The following ARHGAP10 variants were observed in gnomAD, a reference collection of about 807,000 sequenced individuals.
The protein encoded by ARHGAP10 is Rho GTPase activating protein 10.
In ARHGAP10, 87 loss-of-function variants were observed where a neutral mutation model predicts 108.6. The ratio of observed to expected loss-of-function variants is 0.80; its 90% CI spans 0.67 to 0.96. The LOEUF is 0.96. Among genes scored for constraint, ARHGAP10 ranks in the 40% least tolerant of loss-of-function variants. The pLI, the probability that ARHGAP10 is intolerant of heterozygous loss-of-function variation, is 0.00. For missense variants in ARHGAP10, 939 were observed against 954.5 expected (o/e 0.98, Z 0.21); for synonymous variants, 347 against 341.1 (o/e 1.02, Z -0.19).
intron 15 of ARHGAP10, among the ~76,000 whole-genome samples, chr4:147,948,102 G>A (rs990380337): frequency 9.2e-5 from 14 of 151,934 alleles, no homozygotes; most frequent in African/African-American, 3.4e-4. Flanking sequence ...CACCATGTCC[G>A]GCTAATTTTT....
intron 22 of ARHGAP10, chr4:148,065,446 C>A (rs1022890376): frequency 1.3e-5 from 2 of 152,146 alleles, no homozygotes; most frequent in Admixed American, 1.3e-4. Context: ...GACAGAGACT[C>A]CTGGTAGTGT....
intron 1 of ARHGAP10, among the ~76,000 whole-genome samples, chr4:147,798,777 C>CTA (rs1731449720): frequency 2.6e-4 from 1 of 3,834 alleles, no homozygotes; most frequent in African/African-American, 3.5e-4. Context: ...CTCTCTCTCT[C>CTA]TCTCTATATA....
intron 1 of ARHGAP10, among the ~76,000 whole-genome samples, chr4:147,816,414 GTTTTCC>G (rs985473662): frequency 1.3e-5 from 2 of 152,170 alleles, no homozygotes; most frequent in Non-Finnish European, 2.9e-5. Context: ...GGCTCTCCTT[GTTTTCC>G]TTTTACTCCA....
intron 1 of ARHGAP10, among the ~76,000 whole-genome samples, chr4:147,759,253 T>TA: frequency 6.6e-6 from 1 of 152,238 alleles, no homozygotes; most frequent in East Asian, 1.9e-4. Flanking sequence ...GAAGAACTGT[T>TA]ATCTCCATTT....
intron 1 of ARHGAP10, among the ~76,000 whole-genome samples, chr4:147,813,231 C>G (rs1461381322): frequency 2.0e-5 from 3 of 152,118 alleles, no homozygotes; most frequent in African/African-American, 7.2e-5. Context: ...TTTATACTCA[C>G]TGGCCTATAC....
chr4:147,734,076 A>T (rs1018669792), intron 1 of ARHGAP10, among the ~76,000 whole-genome samples: 1 of 152,038 alleles, frequency 6.6e-6, no homozygotes, highest in Non-Finnish European at 1.5e-5. Context: ...CAGAGTGAAC[A>T]CGAGAGAATG....
intron 12 of ARHGAP10, among the ~76,000 whole-genome samples, chr4:147,910,005 GCTTTT>G (rs1396510395): frequency 6.6e-6 from 1 of 150,754 alleles, no homozygotes; most frequent in African/African-American, 2.5e-5. Context: ...CCATCTGTGG[GCTTTT>G]CTTTTCTTTT....
chr4:147,932,450 A>C (rs1369592746), intron 13 of ARHGAP10, among the ~76,000 whole-genome samples: 1 of 152,258 alleles, frequency 6.6e-6, no homozygotes, highest in Non-Finnish European at 1.5e-5. Flanking sequence ...TACATGTAAT[A>C]TACCATGGAA....
intron 18 of ARHGAP10, among the ~76,000 whole-genome samples, chr4:148,003,408 A>C (rs1740812433): frequency 1.3e-5 from 2 of 152,070 alleles, no homozygotes; most frequent in African/African-American, 4.8e-5. Flanking sequence ...TGGGTTGGAG[A>C]GTTCTGTGGA....
At chr4:147,901,513 T>C (rs561017060) in intron 10 of ARHGAP10, among the ~76,000 whole-genome samples, 1 of 152,366 alleles carries the variant, frequency 6.6e-6, no homozygotes, top group Non-Finnish European at 1.5e-5. Flanking sequence ...GATCCATTTC[T>C]ACTTAATCTC....
intron 3 of ARHGAP10, among the ~76,000 whole-genome samples, chr4:147,841,992 G>T (rs1289505660): frequency 1.3e-5 from 2 of 152,098 alleles, no homozygotes; most frequent in Admixed American, 6.5e-5. Context: ...GAGTGCAGTG[G>T]TGCAATCTTG....
At chr4:147,779,924 C>T (rs1730460395) in intron 1 of ARHGAP10, among the ~76,000 whole-genome samples, 1 of 152,208 alleles carries the variant, frequency 6.6e-6, no homozygotes, top group South Asian at 2.1e-4. Flanking sequence ...TCCCTAGACA[C>T]TTACACCCTT....
At chr4:147,809,163 A>G (rs984907390) in intron 1 of ARHGAP10, 2 of 152,286 alleles carry the variant, frequency 1.3e-5, no homozygotes, top group Admixed American at 1.3e-4. Flanking sequence ...ATGCCTGTGA[A>G]TAGCCACAGC....
chr4:147,870,143 C>T (rs1336024247), intron 7 of ARHGAP10, among the ~76,000 whole-genome samples: 1 of 151,910 alleles, frequency 6.6e-6, no homozygotes. Flanking sequence ...CTCCGCCTCC[C>T]GGGTTCATGC....
chr4:147,810,265 G>T (rs554575149), intron 1 of ARHGAP10, among the ~76,000 whole-genome samples: 1 of 152,270 alleles, frequency 6.6e-6, no homozygotes, highest in South Asian at 2.1e-4. Context: ...TTTAAAACTT[G>T]CATTCTTTTA....
intron 15 of ARHGAP10, among the ~76,000 whole-genome samples, chr4:147,950,064 C>A (rs1162738702): frequency 6.6e-6 from 1 of 152,074 alleles, no homozygotes; most frequent in Non-Finnish European, 1.5e-5. Flanking sequence ...CAAACATTGC[C>A]TACAGAACGA....
intron 19 of ARHGAP10, among the ~76,000 whole-genome samples, chr4:148,037,283 A>G (rs1001448331): frequency 3.9e-5 from 6 of 152,244 alleles, no homozygotes; most frequent in African/African-American, 1.4e-4. Context: ...CTGCTGCCCC[A>G]GTAGTTTCAA....
intron 1 of ARHGAP10, among the ~76,000 whole-genome samples, chr4:147,810,828 C>T (rs1382465504): frequency 1.3e-5 from 2 of 152,174 alleles, no homozygotes; most frequent in Admixed American, 6.5e-5. Flanking sequence ...TTCCTAAAGC[C>T]ATCATGACAG....
chr4:147,798,769 CTCTCTCTCTCTCTATATA>C (rs1437046234), intron 1 of ARHGAP10, among the ~76,000 whole-genome samples: 5 of 5,596 alleles, frequency 8.9e-4, no homozygotes, highest in African/African-American at 1.1e-3. Context: ...CTCTCTCTCT[CTCTCTCTCTCTCTATATA>C]TATATATATA....
Sources: allele counts gnomAD v4.1 joint callset (sites outside exome capture counted in the v4.1 genomes callset), GRCh38; gene constraint gnomAD v4.1.1; transcripts MANE v1.5; gene names NCBI Gene and HGNC (gene_info 2026-07-23, HGNC 2026-07-21).